Variants in NFIA observed in about 807,000 individuals in gnomAD.
The protein encoded by NFIA is nuclear factor 1 A-type.
Under a neutral mutation model 62.8 loss-of-function variants are expected in NFIA, and 8 were observed. That is an observed-to-expected ratio of 0.13 (90% CI 0.07 to 0.23). The LOEUF (loss-of-function observed/expected upper bound fraction) is 0.23. NFIA is among the 10% of genes least tolerant of loss of function. The probability of loss-of-function intolerance (pLI) is 1.00; values close to 1 mark genes in which losing one functional copy is unlikely to be tolerated. For synonymous variants in NFIA, 235 were observed against 238.1 expected, an observed-to-expected ratio of 0.99 and a Z score of 0.12; for missense variants, 410 against 642.1, an observed-to-expected ratio of 0.64 and a Z score of 3.91.
Position 61,166,662 on chromosome 1 carries a change from T to C in NFIA, c.559+77982T>C, listed in dbSNP as rs142611648. Among the ~76,000 whole-genome samples the C allele has an allele frequency of 8.7e-3, 1,328 of 152,138 alleles. 19 individuals carry two copies. The highest frequency in any genetic ancestry group is 0.03 in the African/African-American group (1,243 of 41,454). On this transcript the variant is annotated intron_variant, in intron 2 of 10. Coordinates refer to ENST00000403491, the MANE Select transcript of NFIA (RefSeq NM_001134673.4). ...ATAATGTACTTAGTGAAGAAACACC[T>C]ACCAAACTACTTATAGTTTATAGAC... is the stretch of plus-strand genomic sequence containing the variant.
intron 3 of NFIA, among the ~76,000 whole-genome samples, chr1:61,287,663 C>G (rs935274580): frequency 2.0e-5 from 3 of 151,716 alleles, no homozygotes; most frequent in Non-Finnish European, 2.9e-5. Flanking sequence ...CCAACCCCCC[C>G]CAAAAAAAAC....
chr1:61,342,837 G>T (rs1662000791), intron 4 of NFIA, among the ~76,000 whole-genome samples: 1 of 152,200 alleles, frequency 6.6e-6, no homozygotes, highest in Admixed American at 6.5e-5. Flanking sequence ...CTACATTCAA[G>T]CCCTTCTTCT....
chr1:61,189,189 T>C (rs977895916), intron 2 of NFIA, among the ~76,000 whole-genome samples: 2 of 152,036 alleles, frequency 1.3e-5, no homozygotes, highest in Admixed American at 6.6e-5. Context: ...TGGCAAGGTA[T>C]GGAGGAGACA....
At chr1:61,082,372 CT>C (rs1192585877), upstream of NFIA, 2 of 586,818 alleles carry the variant, frequency 3.4e-6, no homozygotes, top group African/African-American at 2.0e-5. Context: ...CCCACACCCC[CT>C]CCCCCCCGCG....
chr1:61,219,694 A>G (rs1393166127), intron 2 of NFIA, among the ~76,000 whole-genome samples: 1 of 143,072 alleles, frequency 7.0e-6, no homozygotes, highest in African/African-American at 2.7e-5. Flanking sequence ...ATCCTGGGTG[A>G]CAGAGCGAGA....
At chr1:61,345,966 AATTATT>A (rs1176980561) in intron 4 of NFIA, among the ~76,000 whole-genome samples, 1 of 152,008 alleles carries the variant, frequency 6.6e-6, no homozygotes, top group East Asian at 1.9e-4. Flanking sequence ...TTTTTGCCAT[AATTATT>A]ATTAGAATTA....
At chr1:61,322,355 A>C (rs559353847) in intron 3 of NFIA, among the ~76,000 whole-genome samples, 2 of 152,100 alleles carry the variant, frequency 1.3e-5, no homozygotes, top group Non-Finnish European at 2.9e-5. Flanking sequence ...ATTGAAATCT[A>C]TTTTTCTTTC....
intron 2 of NFIA, among the ~76,000 whole-genome samples, chr1:61,128,118 T>A (rs982555185): frequency 6.6e-6 from 1 of 152,072 alleles, no homozygotes; most frequent in African/African-American, 2.4e-5. Context: ...ATTTTTAAAT[T>A]TTTATTCAAT....
At chr1:61,314,252 C>CTAAG (rs1158356930) in intron 3 of NFIA, among the ~76,000 whole-genome samples, 1 of 152,126 alleles carries the variant, frequency 6.6e-6, no homozygotes, top group East Asian at 1.9e-4. Flanking sequence ...CTACCAGAGC[C>CTAAG]CTTACCACAT....
At chr1:61,127,689 A>G (rs1460473286) in intron 2 of NFIA, among the ~76,000 whole-genome samples, 1 of 152,194 alleles carries the variant, frequency 6.6e-6, no homozygotes, top group Admixed American at 6.5e-5. Context: ...CTGGACTTTG[A>G]GAAAGAATAA....
At chr1:61,293,565 A>G (rs772873057) in intron 3 of NFIA, among the ~76,000 whole-genome samples, 10 of 152,216 alleles carry the variant, frequency 6.6e-5, no homozygotes, top group African/African-American at 2.2e-4. Context: ...GCTGACAGCT[A>G]GAAAGCATCC....
intron 9 of NFIA, among the ~76,000 whole-genome samples, chr1:61,414,668 C>T (rs547949799): frequency 6.6e-6 from 1 of 151,688 alleles, no homozygotes; most frequent in South Asian, 2.1e-4. Flanking sequence ...AGGAAGAGAG[C>T]AGAAAGTTTG....
At chr1:61,309,491 C>CAACAAA (rs1553171040) in intron 3 of NFIA, among the ~76,000 whole-genome samples, 1 of 147,100 alleles carries the variant, frequency 6.8e-6, no homozygotes, top group African/African-American at 2.5e-5. Flanking sequence ...ACAACAACAA[C>CAACAAA]AAAAAAAAAA....
chr1:61,130,322 G>A (rs1252859303), intron 2 of NFIA, among the ~76,000 whole-genome samples: 1 of 152,088 alleles, frequency 6.6e-6, no homozygotes, highest in Non-Finnish European at 1.5e-5. Context: ...ATGTACAACA[G>A]ACAGATGTCA....
At chr1:61,271,331 G>A (rs1018535319) in intron 2 of NFIA, among the ~76,000 whole-genome samples, 1 of 152,078 alleles carries the variant, frequency 6.6e-6, no homozygotes, top group Non-Finnish European at 1.5e-5. Context: ...TCTTATCATC[G>A]TACACAGTAC....
At chr1:61,118,524 T>G (rs180796235) in intron 2 of NFIA, among the ~76,000 whole-genome samples, 1 of 152,172 alleles carries the variant, frequency 6.6e-6, no homozygotes, top group African/African-American at 2.4e-5. Flanking sequence ...GTGATAGATC[T>G]CTAAAGGAAA....
intron 3 of NFIA, among the ~76,000 whole-genome samples, chr1:61,325,526 A>G (rs1376011847): frequency 2.6e-5 from 4 of 152,230 alleles, no homozygotes; most frequent in African/African-American, 7.2e-5. Flanking sequence ...TTAAAGTTAC[A>G]TGGAGTGTTT....
At chr1:61,223,710 A>G (rs1654157064) in intron 2 of NFIA, among the ~76,000 whole-genome samples, 1 of 152,056 alleles carries the variant, frequency 6.6e-6, no homozygotes, top group African/African-American at 2.4e-5. Flanking sequence ...ATTTAGAATG[A>G]TAGCTATCCT....
chr1:61,379,909 A>G (rs1461737788), intron 6 of NFIA, among the ~76,000 whole-genome samples: 1 of 152,078 alleles, frequency 6.6e-6, no homozygotes, highest in Non-Finnish European at 1.5e-5. Flanking sequence ...AGTGCATTTG[A>G]CCTGTATTTT....
Sources: allele counts gnomAD v4.1 joint callset (sites outside exome capture counted in the v4.1 genomes callset), GRCh38; gene constraint gnomAD v4.1.1; transcripts MANE v1.5; gene names NCBI Gene and HGNC (gene_info 2026-07-23, HGNC 2026-07-21).